CEP120: variants seen among roughly 807,000 people sequenced by gnomAD.
CEP120 encodes the protein centrosomal protein of 120 kDa.
Under a neutral mutation model 126.5 loss-of-function variants are expected in CEP120, and 113 were observed. The ratio of observed to expected loss-of-function variants is 0.89; its 90% CI spans 0.77 to 1.04. The LOEUF (loss-of-function observed/expected upper bound fraction) is 1.04, where lower values mean the gene tolerates loss of function less well. Ranked by LOEUF, CEP120 falls within the 50% of genes least tolerant of loss-of-function variation. The probability of loss-of-function intolerance (pLI) is 0.00; values close to 1 mark genes in which losing one functional copy is unlikely to be tolerated. For missense variants in CEP120, 1,230 were observed against 1,155.7 expected (o/e 1.06, Z -0.93); for synonymous variants, 400 against 394.3 (o/e 1.01, Z -0.17).
At chr5:123,388,098 G>GA (rs1483063990) in intron 9 of CEP120, among the ~76,000 whole-genome samples, 1 of 101,138 alleles carries the variant, frequency 9.9e-6, no homozygotes. Flanking sequence ...ACTTTTTCCA[G>GA]AAAAAAAGCA....
intron 3 of CEP120, among the ~76,000 whole-genome samples, chr5:123,415,153 T>C (rs6595447): frequency 0.22 from 34,108 of 151,974 alleles, 3,867 homozygotes; most frequent in East Asian, 0.32. Context: ...CTGACTGCTA[T>C]GCAAGGAATG....
intron 3 of CEP120, among the ~76,000 whole-genome samples, chr5:123,414,571 T>C (rs903197403): frequency 6.6e-6 from 1 of 152,164 alleles, no homozygotes; most frequent in African/African-American, 2.4e-5. Flanking sequence ...ATTGTTTAAC[T>C]TTTTTCCCCC....
Position 123,346,643 on chromosome 5 carries a change from G to C in CEP120, c.2837C>G (p.Thr946Ser). Residue 946 changes from threonine (T) to serine (S), a missense_variant, in exon 20 of 20, where the codon ACT becomes AGT. Physicochemically the swap from Thr to Ser is moderately conservative, Grantham distance 58. Transcript: ENST00000306467. ...AGTATCCCTTTCTTCTATCAGGCGA[G>C]TCAAATAATCATCCAAACCTTCTTC... ...VLEEGLDDYL[T>S]RLIEERDTLM... 1.9e-5 allele frequency: 31 copies of C among 1,613,962 alleles called. No homozygotes were observed. Among genetic ancestry groups the C allele is most frequent in the Non-Finnish European group, 2.6e-5 (31 of 1,179,950 alleles).
chr5:123,348,811 C>T (rs934916939), intron 19 of CEP120, among the ~76,000 whole-genome samples: 1 of 152,130 alleles, frequency 6.6e-6, no homozygotes, highest in Non-Finnish European at 1.5e-5. Flanking sequence ...GAACTCTCAT[C>T]ATGGGATTAG....
At chr5:123,395,505 A>T (rs1772716082) in intron 5 of CEP120, among the ~76,000 whole-genome samples, 1 of 152,032 alleles carries the variant, frequency 6.6e-6, no homozygotes, top group South Asian at 2.1e-4. Flanking sequence ...CCTACCATCC[A>T]TACTCTCCTG....
At chr5:123,419,919 A>C (rs996176720) in intron 1 of CEP120, among the ~76,000 whole-genome samples, 2 of 152,202 alleles carry the variant, frequency 1.3e-5, no homozygotes, top group South Asian at 2.1e-4. Context: ...CTTGTTTATA[A>C]ATCTGTTAAG....
chr5:123,357,324 T>C (rs1004253906), intron 18 of CEP120, among the ~76,000 whole-genome samples: 1 of 152,104 alleles, frequency 6.6e-6, no homozygotes, highest in Non-Finnish European at 1.5e-5. Flanking sequence ...GATATCTTTT[T>C]TACTTTTGGA....
intron 13 of CEP120, among the ~76,000 whole-genome samples, chr5:123,382,441 T>C (rs902878569): frequency 1.3e-5 from 2 of 151,868 alleles, no homozygotes; most frequent in African/African-American, 4.8e-5. Flanking sequence ...GTTTGGAGAC[T>C]AATGATGCAA....
chr5:123,415,058 A>G (rs563293009), intron 3 of CEP120, among the ~76,000 whole-genome samples: 1 of 145,706 alleles, frequency 6.9e-6, no homozygotes, highest in Non-Finnish European at 1.5e-5. Flanking sequence ...AATCAGGATG[A>G]TTCTGAGTTC....
intron 16 of CEP120, among the ~76,000 whole-genome samples, chr5:123,373,543 T>G (rs1017429677): frequency 2.6e-5 from 4 of 152,086 alleles, no homozygotes; most frequent in Non-Finnish European, 5.9e-5. Context: ...GTGACAAGTT[T>G]GCAGACTTTT....
intron 5 of CEP120, among the ~76,000 whole-genome samples, chr5:123,397,516 C>T (rs1344195739): frequency 6.6e-6 from 1 of 151,936 alleles, no homozygotes; most frequent in Non-Finnish European, 1.5e-5. Context: ...CATAAGCAGA[C>T]CTTTAAGAGA....
At chr5:123,401,758 T>G (rs1773257483) in intron 4 of CEP120, 30 of 1,231,498 alleles carry the variant, frequency 2.4e-5, no homozygotes, top group South Asian at 1.1e-4. Context: ...TCCTTCTTGA[T>G]GAGGACAAAT....
At chr5:123,385,758 A>T (rs1312115270) in intron 10 of CEP120, among the ~76,000 whole-genome samples, 1 of 151,880 alleles carries the variant, frequency 6.6e-6, no homozygotes. Flanking sequence ...CTGGGACTGC[A>T]GGTGCTGGCT....
Position 123,382,745 on chromosome 5 carries a change from C to T in CEP120, c.2005G>A (p.Glu669Lys), listed in dbSNP as rs777170601. 1.9e-6 allele frequency: 3 copies of T among 1,610,438 alleles called. No homozygotes were observed. The highest frequency in any genetic ancestry group is 2.2e-5 in the South Asian group (2 of 90,540). ...MWKEMQEDIF[E>K]NQLKQKELAH... ...AACATTTAAAAAGTAACCTGATTTT[C>T]AAATATATCTTCTTGCATCTCCTTC... The change falls in exon 13 of 20, where the codon GAA (glutamate) becomes AAA (lysine). Residue 669 changes from glutamate to lysine, a missense_variant. Coordinates refer to ENST00000306467, the MANE Select transcript of CEP120 (RefSeq NM_001375405.1).
At chr5:123,396,542 T>C (rs10051787) in intron 5 of CEP120, among the ~76,000 whole-genome samples, 109,698 of 152,018 alleles carry the variant, frequency 0.72, 39,801 homozygotes, top group African/African-American at 0.78. Flanking sequence ...CAATTACCCA[T>C]AGGAAACTTT....
chr5:123,359,344 T>C (rs1364361750), intron 18 of CEP120, among the ~76,000 whole-genome samples: 1 of 152,068 alleles, frequency 6.6e-6, no homozygotes, highest in African/African-American at 2.4e-5. Context: ...AACAAACTCA[T>C]ACTTCATAAC....
intron 18 of CEP120, among the ~76,000 whole-genome samples, chr5:123,352,677 C>A (rs543542774): frequency 6.6e-6 from 1 of 152,040 alleles, no homozygotes; most frequent in East Asian, 1.9e-4. Flanking sequence ...TTGGCTCTTA[C>A]ATTTTCACAT....
intron 9 of CEP120, among the ~76,000 whole-genome samples, chr5:123,387,461 T>TA (rs1208693895): frequency 6.6e-6 from 1 of 152,118 alleles, no homozygotes; most frequent in Non-Finnish European, 1.5e-5. Flanking sequence ...GTCATGCAGA[T>TA]AAGAAACTTT....
intron 2 of CEP120, among the ~76,000 whole-genome samples, chr5:123,418,041 T>C (rs1774488182): frequency 6.6e-6 from 1 of 152,170 alleles, no homozygotes; most frequent in African/African-American, 2.4e-5. Flanking sequence ...TTTGAAATGC[T>C]CCAAATTCTA....
Sources: gnomAD v4.1 joint callset for allele counts (sites outside exome capture counted in the v4.1 genomes callset) on GRCh38, gnomAD v4.1.1 for gene constraint, MANE v1.5 for transcripts, NCBI Gene and HGNC (gene_info 2026-07-23, HGNC 2026-07-21) for gene names.